ANKRD12: variants seen among roughly 807,000 people sequenced by gnomAD.
ANKRD12 encodes the protein ankyrin repeat domain 12.
A neutral mutation model predicts 183.4 loss-of-function variants in ANKRD12; 85 were observed. The ratio of observed to expected loss-of-function variants is 0.46; its 90% CI spans 0.39 to 0.56. The LOEUF is 0.56. Among genes scored for constraint, ANKRD12 ranks in the 20% least tolerant of loss-of-function variants. ANKRD12 has a pLI of 0.00. For synonymous variants in ANKRD12, 914 were observed against 800.2 expected (o/e 1.14, Z -2.40); for missense variants, 2,405 against 2,357.1 (o/e 1.02, Z -0.42).
intron 1 of ANKRD12, among the ~76,000 whole-genome samples, chr18:9,174,174 A>C (rs952138482): frequency 2.6e-5 from 4 of 152,218 alleles, no homozygotes; most frequent in Non-Finnish European, 5.9e-5. Context: ...AGCTGGGTCA[A>C]CTGAACTGCA....
At chr18:9,236,010 T>C (rs115258365) in intron 8 of ANKRD12, among the ~76,000 whole-genome samples, 80 of 152,216 alleles carry the variant, frequency 5.3e-4, no homozygotes, top group African/African-American at 1.8e-3. Flanking sequence ...AAAAGCCTTA[T>C]ATGTTTTCTA....
chr18:9,243,707 C>T (rs116559000), intron 8 of ANKRD12, among the ~76,000 whole-genome samples: 2,546 of 152,158 alleles, frequency 0.017, 80 homozygotes, highest in African/African-American at 0.058. Flanking sequence ...TGCTGAAGAT[C>T]TAATTTGATG....
At chr18:9,232,013 C>T (rs1167979838) in intron 8 of ANKRD12, among the ~76,000 whole-genome samples, 1 of 151,994 alleles carries the variant, frequency 6.6e-6, no homozygotes, top group Non-Finnish European at 1.5e-5. Context: ...TAGTCTGTGT[C>T]TATTAAGTGG....
chr18:9,262,202 T>TA (rs1479292439), intron 9 of ANKRD12, among the ~76,000 whole-genome samples: 2 of 152,190 alleles, frequency 1.3e-5, no homozygotes, highest in Admixed American at 6.5e-5. Flanking sequence ...TATATGGTGT[T>TA]ACATGATTCC....
chr18:9,149,270 T>C (rs2078598774), intron 1 of ANKRD12, among the ~76,000 whole-genome samples: 1 of 152,218 alleles, frequency 6.6e-6, no homozygotes, highest in Non-Finnish European at 1.5e-5. Flanking sequence ...GTTTAATAAA[T>C]GCTAAGTGAT....
At chr18:9,212,211 ATAAT>A (rs2035843990) in intron 6 of ANKRD12, among the ~76,000 whole-genome samples, 1 of 152,034 alleles carries the variant, frequency 6.6e-6, no homozygotes, top group South Asian at 2.1e-4. Context: ...CTTGCTGTAA[ATAAT>A]TCAACAGTAA....
At chr18:9,165,622 TGG>T (rs1484463093) in intron 1 of ANKRD12, among the ~76,000 whole-genome samples, 1 of 152,216 alleles carries the variant, frequency 6.6e-6, no homozygotes, top group Non-Finnish European at 1.5e-5. Context: ...CTTTTGTGAC[TGG>T]GTTATTTCAC....
intron 1 of ANKRD12, among the ~76,000 whole-genome samples, chr18:9,158,029 G>A (rs1039663192): frequency 2.0e-5 from 3 of 152,128 alleles, no homozygotes; most frequent in African/African-American, 7.2e-5. Flanking sequence ...ATGAGGTAAA[G>A]TAACTAGAGA....
intron 6 of ANKRD12, among the ~76,000 whole-genome samples, chr18:9,212,525 T>C (rs191940017): frequency 2.5e-4 from 38 of 151,454 alleles, no homozygotes; most frequent in African/African-American, 8.9e-4. Flanking sequence ...TAATTTTTAA[T>C]AGCTGCATAA....
rs183169954 is a variant in ANKRD12 at position 9,172,924 on chromosome 18, C to T, written c.-51-9458C>T. ...GTTTTTTTGTTTTTGTTTTTTGAGA[C>T]AGAGTCTCGCCCTGTTGCCCAGGCT... On this transcript the variant is annotated intron_variant, in intron 1 of 12. Coordinates refer to ENST00000262126, the MANE Select transcript of ANKRD12 (RefSeq NM_015208.5). Among the ~76,000 whole-genome samples, 958 of 149,196 alleles carry T rather than the reference C, an allele frequency of 6.4e-3. 7 individuals carry two copies. Among genetic ancestry groups the T allele is most frequent in the Middle Eastern group, 0.017 (5 of 292 alleles).
At chr18:9,236,362 CAG>C (rs1452722457) in intron 8 of ANKRD12, among the ~76,000 whole-genome samples, 2 of 152,200 alleles carry the variant, frequency 1.3e-5, no homozygotes, top group African/African-American at 2.4e-5. Flanking sequence ...TTTAAACAAA[CAG>C]AATGTTAACC....
Position 9,256,873 on chromosome 18 carries a change from A to G in ANKRD12, c.3606A>G (p.Arg1202=). The change falls in exon 9 of 13, where the codon AGA becomes AGG. Residue 1202 remains arginine (R), a synonymous_variant. Transcript: ENST00000262126. ...SENEKPGLSS[R]SVSMISVASS... ...ATGAAAAGCCGGGTCTCAGCTCCAG[A>G]TCTGTATCCATGATTTCTGTTGCTA... 2.5e-6 allele frequency: 4 copies of G among 1,613,938 alleles called. No homozygotes were observed. Among genetic ancestry groups the G allele is most frequent in the Non-Finnish European group, 2.5e-6 (3 of 1,179,938 alleles).
In ANKRD12 at chr18:9,140,540, T is replaced by G. The variant is rs1487973928; in HGVS notation, c.-52+3575T>G. Among the ~76,000 whole-genome samples the G allele has an allele frequency of 2.0e-5, 3 of 152,226 alleles. No individual in the cohort carries two copies. The East Asian group carries it at 5.8e-4, about 29-fold the overall frequency. On this transcript the variant is annotated intron_variant, in intron 1 of 12. Transcript: ENST00000262126. ...ATCTGTTTCTGTAACAGACAGTGGC[T>G]TTTTAAAAGTAATAGTGAAAGTAAT...
At chr18:9,278,747 A>G (rs1353378947) in intron 11 of ANKRD12, among the ~76,000 whole-genome samples, 3 of 152,086 alleles carry the variant, frequency 2.0e-5, no homozygotes, top group Admixed American at 6.6e-5. Flanking sequence ...CAGAGAGTCA[A>G]GATTCCAGCC....
intron 1 of ANKRD12, among the ~76,000 whole-genome samples, chr18:9,162,601 C>T (rs995658309): frequency 1.3e-5 from 2 of 152,046 alleles, no homozygotes; most frequent in Non-Finnish European, 2.9e-5. Context: ...GTATTTCTGC[C>T]TCTAGATCTT....
At position 9,256,236 on chromosome 18, in the gene ANKRD12, A is replaced by G. The variant is rs779510190; in HGVS notation, c.2969A>G (p.Asn990Ser). ...EEKKSSIVDG[N>S]KAQHEKPLSL... ...AAAAAATCAAGTATAGTAGACGGTA[A>G]TAAAGCACAACATGAAAAACCCTTA... The change falls in exon 9 of 13, where the codon AAT becomes AGT. Residue 990 changes from asparagine (N) to serine (S), a missense_variant. This residue lies in a region of ANKRD12 where 1,983 missense variants were observed against 1,725.9 expected (regional missense o/e 1.15). Transcript: ENST00000262126. 1 of 1,601,080 alleles carries G rather than the reference A, an allele frequency of 6.2e-7. No homozygotes were observed. Among genetic ancestry groups the G allele is most frequent in the African/African-American group, 1.4e-5 (1 of 73,838 alleles).
chr18:9,228,046 AC>A (rs2036825938), intron 8 of ANKRD12, among the ~76,000 whole-genome samples: 1 of 152,144 alleles, frequency 6.6e-6, no homozygotes, highest in Non-Finnish European at 1.5e-5. Flanking sequence ...GAGTGAGAGA[AC>A]ATGCTGTCTT....
chr18:9,278,456 G>C (rs1359927546), intron 11 of ANKRD12, among the ~76,000 whole-genome samples: 2 of 152,170 alleles, frequency 1.3e-5, no homozygotes, highest in Non-Finnish European at 2.9e-5. Flanking sequence ...ATTTTAAATA[G>C]TCAAAACATC....
At chr18:9,173,369 A>T (rs2032933161) in intron 1 of ANKRD12, among the ~76,000 whole-genome samples, 1 of 151,872 alleles carries the variant, frequency 6.6e-6, no homozygotes, top group African/African-American at 2.4e-5. Flanking sequence ...ACGCCTGGCC[A>T]GTTGCTGACC....
Sources: gnomAD v4.1 joint callset for allele counts (sites outside exome capture counted in the v4.1 genomes callset) on GRCh38, gnomAD v4.1.1 for gene constraint, gnomAD v4.1.1 regional missense constraint, MANE v1.5 for transcripts, NCBI Gene and HGNC (gene_info 2026-07-23, HGNC 2026-07-21) for gene names.